The following EDIL3 variants were observed in gnomAD, a reference collection of about 807,000 sequenced individuals.
The protein encoded by EDIL3 is EGF-like repeat and discoidin I-like domain-containing protein 3.
EDIL3 carries 37 observed loss-of-function variants against 67.4 expected under a neutral mutation model. The ratio of observed to expected loss-of-function variants is 0.55; its 90% confidence interval spans 0.42 to 0.72. The LOEUF (loss-of-function observed/expected upper bound fraction) is 0.72, where lower values mean the gene tolerates loss of function less well. EDIL3 is among the 30% of genes least tolerant of loss of function. EDIL3 has a pLI of 0.00. For synonymous variants in EDIL3, 195 were observed against 196.3 expected (o/e 0.99, Z 0.05); for missense variants, 527 against 586.3 (o/e 0.90, Z 1.04).
intron 1 of EDIL3, among the ~76,000 whole-genome samples, chr5:84,324,678 G>GA (rs1163764888): frequency 2.0e-5 from 3 of 150,766 alleles, no homozygotes; most frequent in South Asian, 2.1e-4. Flanking sequence ...GACAAACTAA[G>GA]AAAAAAAAGA....
At chr5:84,376,277 T>C (rs1747966167) in intron 1 of EDIL3, among the ~76,000 whole-genome samples, 1 of 152,184 alleles carries the variant, frequency 6.6e-6, no homozygotes, top group South Asian at 2.1e-4. Context: ...ATGTACCTTG[T>C]TAACTTATCT....
intron 2 of EDIL3, among the ~76,000 whole-genome samples, chr5:84,250,691 A>C (rs1745008972): frequency 6.6e-6 from 1 of 152,226 alleles, no homozygotes. Flanking sequence ...ACTGCAATGA[A>C]AAGAGTATGT....
intron 3 of EDIL3, among the ~76,000 whole-genome samples, chr5:84,198,595 G>A (rs1268634986): frequency 6.6e-6 from 1 of 152,058 alleles, no homozygotes; most frequent in African/African-American, 2.4e-5. Context: ...TGTCATCCAA[G>A]GTTATCGATG....
intron 1 of EDIL3, among the ~76,000 whole-genome samples, chr5:84,289,247 T>A (rs1745868305): frequency 6.6e-6 from 1 of 152,178 alleles, no homozygotes; most frequent in African/African-American, 2.4e-5. Context: ...CGTGACATTA[T>A]CTAAATAAAC....
At chr5:84,384,031 C>T (rs1193237523) in intron 1 of EDIL3, among the ~76,000 whole-genome samples, 1 of 152,136 alleles carries the variant, frequency 6.6e-6, no homozygotes, top group Non-Finnish European at 1.5e-5. Flanking sequence ...AGTCGCTGGT[C>T]CTGGGGACGC....
At chr5:84,180,372 C>T (rs781051518) in intron 4 of EDIL3, 21 bp downstream of exon 4, 3 of 1,565,984 alleles carry the variant, frequency 1.9e-6, no homozygotes, top group South Asian at 2.4e-5. Context: ...AATAAAAGTA[C>T]AATGACTATG....
At chr5:84,333,449 T>A (rs1746917039) in intron 1 of EDIL3, among the ~76,000 whole-genome samples, 2 of 152,112 alleles carry the variant, frequency 1.3e-5, no homozygotes, top group Non-Finnish European at 2.9e-5. Flanking sequence ...AGTCCTGGTT[T>A]TCTGAACAAA....
At chr5:84,336,265 T>A (rs1009285854) in intron 1 of EDIL3, among the ~76,000 whole-genome samples, 13 of 152,138 alleles carry the variant, frequency 8.5e-5, no homozygotes, top group African/African-American at 3.1e-4. Flanking sequence ...CAAGTCTACA[T>A]GTAGTTGAAG....
chr5:84,132,448 C>T (rs186617847), intron 5 of EDIL3, among the ~76,000 whole-genome samples: 3,646 of 19,362 alleles, frequency 0.19, 651 homozygotes, highest in African/African-American at 0.47. Context: ...TATATTTTAA[C>T]ATATATTATG....
Position 84,247,202 on chromosome 5 carries a change from G to C in EDIL3, c.196+6882C>G, listed in dbSNP as rs189403402. Among the ~76,000 whole-genome samples the C allele has an allele frequency of 3.3e-5, 5 of 152,166 alleles. No homozygotes were observed. In the East Asian group the frequency reaches 9.7e-4, roughly 29 times the overall value. ...TCATGAGTCTAAGAAGTAATCTTAAGTAGAGGGGAAAATAAACCACCCCGA... is the reference window on the plus strand; with the variant it reads ...TCATGAGTCTAAGAAGTAATCTTAACTAGAGGGGAAAATAAACCACCCCGA... On this transcript the variant is annotated intron_variant, in intron 2 of 10. Coordinates refer to ENST00000296591, the MANE Select transcript of EDIL3 (RefSeq NM_005711.5).
chr5:84,136,548 T>C (rs898068793), intron 5 of EDIL3, among the ~76,000 whole-genome samples: 60 of 152,152 alleles, frequency 3.9e-4, no homozygotes, highest in Non-Finnish European at 4.3e-4. Context: ...GCCCTGTCAT[T>C]TGATGCATCA....
chr5:84,095,837 C>T (rs1747252317), intron 6 of EDIL3, among the ~76,000 whole-genome samples: 1 of 152,182 alleles, frequency 6.6e-6, no homozygotes. Flanking sequence ...GTCTCCACAG[C>T]ATGTTAGAGG....
intron 1 of EDIL3, among the ~76,000 whole-genome samples, chr5:84,354,451 G>A (rs927507939): frequency 2.6e-5 from 4 of 152,054 alleles, no homozygotes; most frequent in African/African-American, 9.7e-5. Flanking sequence ...GAGGTCAGGA[G>A]TTCGAGACCA....
At chr5:84,208,322 GA>G (rs1744030376) in intron 3 of EDIL3, among the ~76,000 whole-genome samples, 1 of 152,146 alleles carries the variant, frequency 6.6e-6, no homozygotes, top group Admixed American at 6.5e-5. Flanking sequence ...GGCCATCAGA[GA>G]AATGCAAATC....
At chr5:84,356,637 G>A (rs376459664) in intron 1 of EDIL3, among the ~76,000 whole-genome samples, 49 of 151,990 alleles carry the variant, frequency 3.2e-4, no homozygotes, top group East Asian at 2.9e-3. Context: ...GATTTGTAGC[G>A]TAATCATATC....
chr5:84,116,967 T>C (rs1224584718), intron 5 of EDIL3, among the ~76,000 whole-genome samples: 1 of 151,642 alleles, frequency 6.6e-6, no homozygotes, highest in Non-Finnish European at 1.5e-5. Flanking sequence ...AAATTTATTG[T>C]ACGTAATAAT....
intron 9 of EDIL3, among the ~76,000 whole-genome samples, chr5:84,027,653 G>C (rs13160124): frequency 0.29 from 27,969 of 98,068 alleles, 3,008 homozygotes; most frequent in Admixed American, 0.38. Flanking sequence ...GGGAATCTGA[G>C]CATGCTGATC....
intron 1 of EDIL3, among the ~76,000 whole-genome samples, chr5:84,360,179 G>A (rs187276770): frequency 1.3e-5 from 2 of 152,272 alleles, no homozygotes; most frequent in Non-Finnish European, 2.9e-5. Context: ...AAGGAGAGTG[G>A]TTAAAGAAAG....
At chr5:83,944,567 A>T (rs1744280351) in intron 10 of EDIL3, among the ~76,000 whole-genome samples, 1 of 151,616 alleles carries the variant, frequency 6.6e-6, no homozygotes, top group Non-Finnish European at 1.5e-5. Flanking sequence ...GGGTAAACTG[A>T]GGTATTTATA....
Sources: gnomAD v4.1 joint callset for allele counts (sites outside exome capture counted in the v4.1 genomes callset) on GRCh38, gnomAD v4.1.1 for gene constraint, MANE v1.5 for transcripts, NCBI Gene and HGNC (gene_info 2026-07-23, HGNC 2026-07-21) for gene names.